The following LRRC8E variants were observed in gnomAD, a reference collection of about 807,000 sequenced individuals.
The protein encoded by LRRC8E is leucine rich repeat containing 8 VRAC subunit E.
A neutral mutation model predicts 6.1 loss-of-function variants in LRRC8E; 6 were observed. The observed-to-expected ratio is 0.98, with a 90% CI of 0.54 to 1.93. LRRC8E has a LOEUF of 1.93. LRRC8E is among the 30% of genes most tolerant of loss of function. The pLI, the probability that LRRC8E is intolerant of heterozygous loss-of-function variation, is 0.01. For synonymous variants in LRRC8E, 485 were observed against 472.8 expected (o/e 1.03, Z -0.33); for missense variants, 1,028 against 1,031.4 (o/e 1.00, Z 0.04).
In LRRC8E at chr19:7,895,544, AG is replaced by A; in HGVS notation, c.-5-54del. The A allele has an allele frequency of 1.3e-6, 2 of 1,584,918 alleles. No homozygotes were observed. Among genetic ancestry groups the A allele is most frequent in the South Asian group, 2.2e-5 (2 of 89,384 alleles). On this transcript the variant is annotated intron_variant, in intron 1 of 2. Coordinates refer to ENST00000306708, the MANE Select transcript of LRRC8E (RefSeq NM_025061.6). The surrounding 1 kb of genome is among the most constrained non-coding windows in gnomAD (Gnocchi z 4.7). ...CGGCTCCTCGGAGGACCCCCTGCAGAGCCTCCCATCCTGAGGGTCTCTCTCT... is the reference window on the plus strand; with the variant it reads ...CGGCTCCTCGGAGGACCCCCTGCAGACCTCCCATCCTGAGGGTCTCTCTCT...
rs1982014047 is a variant in LRRC8E, at chr19:7,901,491, T to C, written c.*578T>C. 6.6e-6 allele frequency: 1 copy of C among 151,410 alleles called. No individual in the cohort carries two copies. Among genetic ancestry groups the C allele is most frequent in the Non-Finnish European group, 1.5e-5 (1 of 67,952 alleles). 9.4% of individuals were successfully genotyped at this position (151,410 alleles called of 1,614,324 possible). A position where few individuals can be genotyped will look rare whatever the true frequency, so the allele number is the denominator to read the frequency against. ...TCCCCTGAAACACTGACTCAGGAGGTTTGGTTGGGGGCCAGGAGTCTGTTC... is the reference window on the plus strand; with the variant it reads ...TCCCCTGAAACACTGACTCAGGAGGCTTGGTTGGGGGCCAGGAGTCTGTTC... On this transcript the variant is annotated 3_prime_UTR_variant, in exon 3 of 3. Coordinates refer to ENST00000306708, the MANE Select transcript of LRRC8E (RefSeq NM_025061.6).
rs1981910735 is a variant in LRRC8E, at chr19:7,900,271, A to G, written c.1749A>G (p.Ala583=). ...TGAACAGCCTCAAGAAGCTGGCGGC[A>G]TTGCGGGAGCTGGAGCTGGTGGCCT... ...VALNSLKKLA[A]LRELELVACG... Residue 583 remains alanine (A), a synonymous_variant, in exon 3 of 3, where the codon GCA becomes GCG. Coordinates refer to ENST00000306708, the MANE Select transcript of LRRC8E (RefSeq NM_025061.6). The surrounding 1 kb of genome is among the most constrained non-coding windows in gnomAD (Gnocchi z 5.0). 2 of 1,613,268 alleles carry G rather than the reference A, an allele frequency of 1.2e-6. No individual in the cohort carries two copies. The highest frequency in any genetic ancestry group is 1.7e-6 in the Non-Finnish European group (2 of 1,180,032).
rs764885450 is a variant in LRRC8E at position 7,899,228 on chromosome 19, GAGA to G, written c.709_711del (p.Lys237del). On this transcript the variant is annotated inframe_deletion, in exon 3 of 3. Transcript: ENST00000306708. Reference sequence around the variant, plus strand: ...GGGTGAGCAAGCCAAAGCCCTGTTTGAGAAGGTGAAGAAGTTCCGCATGCACGT... The same window carrying G: ...GGGTGAGCAAGCCAAAGCCCTGTTTGAGGTGAAGAAGTTCCGCATGCACGT... The G allele has an allele frequency of 8.7e-6, 14 of 1,614,228 alleles. No homozygotes were observed. In the Admixed American group the frequency reaches 1.7e-4, roughly 19 times the overall value.
intron 1 of LRRC8E, among the ~76,000 whole-genome samples, chr19:7,894,956 C>A (rs1237687784): frequency 6.6e-6 from 1 of 152,280 alleles, no homozygotes; most frequent in Non-Finnish European, 1.5e-5. Flanking sequence ...CCTTTAGAAA[C>A]TCAGGTGTCC....
intron 2 of LRRC8E, among the ~76,000 whole-genome samples, chr19:7,896,244 CTTTT>C (rs935835512): frequency 2.1e-5 from 3 of 145,216 alleles, no homozygotes; most frequent in South Asian, 2.2e-4. Flanking sequence ...CTGACCCTTT[CTTTT>C]TTTTTCTTTT....
Position 7,901,901 on chromosome 19 carries a change from T to TG in LRRC8E, c.*991dup, listed in dbSNP as rs1982044396. On this transcript the variant is annotated 3_prime_UTR_variant, in exon 3 of 3. Coordinates refer to ENST00000306708, the MANE Select transcript of LRRC8E (RefSeq NM_025061.6). ...AGAGCTATTCAAGGACTTCCTAAGG[T>TG]GGGTGGACTGCAGGGTTAGGACACC... The TG allele has an allele frequency of 6.6e-6, 1 of 151,936 alleles. No homozygotes were observed. The highest frequency in any genetic ancestry group is 1.5e-5 in the Non-Finnish European group (1 of 67,968). The allele number at this position is 151,936 out of a possible 1,614,324, so 9.4% of individuals were successfully genotyped here. A position where few individuals can be genotyped will look rare whatever the true frequency, so the allele number is the denominator to read the frequency against.
At position 7,901,005 on chromosome 19, in the gene LRRC8E, T is replaced by G; in HGVS notation, c.*92T>G. 3.3e-5 allele frequency: 17 copies of G among 512,620 alleles called. No homozygotes were observed. The highest frequency in any genetic ancestry group is 4.2e-5 in the Admixed American group (1 of 24,034). 31.8% of individuals were successfully genotyped at this position (512,620 alleles called of 1,614,324 possible). A position where few individuals can be genotyped will look rare whatever the true frequency, so the allele number is the denominator to read the frequency against. ...CTTCCAAGATAGGAAGCCAAGTGGG[T>G]CCAGGCCAGGAGATGGGGGGGGCGG... is the stretch of plus-strand genomic sequence containing the variant. On this transcript the variant is annotated 3_prime_UTR_variant, in exon 3 of 3. Transcript: ENST00000306708.
Position 7,901,027 on chromosome 19 carries a change from G to C in LRRC8E, c.*114G>C. ...GGGTCCAGGCCAGGAGATGGGGGGGGCGGGGGCAGCTGTGTCATCTTTCTG... is the reference window on the plus strand; with the variant it reads ...GGGTCCAGGCCAGGAGATGGGGGGGCCGGGGGCAGCTGTGTCATCTTTCTG... On this transcript the variant is annotated 3_prime_UTR_variant, in exon 3 of 3. Transcript: ENST00000306708. 3 of 584,088 alleles carry C rather than the reference G, an allele frequency of 5.1e-6. No homozygotes were observed. The highest frequency in any genetic ancestry group is 3.1e-5 in the East Asian group (1 of 31,934). The allele number at this position is 584,088 out of a possible 1,614,324, so 36.2% of individuals were successfully genotyped here.
At position 7,894,231 on chromosome 19, in the gene LRRC8E, G is replaced by A. The variant is rs1283524702; in HGVS notation, c.-5-1368G>A. On this transcript the variant is annotated intron_variant, in intron 1 of 2. Coordinates refer to ENST00000306708, the MANE Select transcript of LRRC8E (RefSeq NM_025061.6). ...CCGTTACAGATTATCTTTGTCTTTT[G>A]TTTTGTTTGTTTGAGATGGAGTCTC... is the stretch of plus-strand genomic sequence containing the variant. Among the ~76,000 whole-genome samples, 7 of 152,060 alleles carry A rather than the reference G, an allele frequency of 4.6e-5. No individual in the cohort carries two copies. In the South Asian group the frequency reaches 6.2e-4, roughly 14 times the overall value.
intron 2 of LRRC8E, among the ~76,000 whole-genome samples, chr19:7,897,814 C>T (rs958331908): frequency 1.1e-4 from 16 of 152,110 alleles, no homozygotes; most frequent in East Asian, 9.7e-4. Context: ...AAACAGGAGC[C>T]GCCTGACCCA....
At position 7,895,972 on chromosome 19, in the gene LRRC8E, C is replaced by G. The variant is rs1000496015; in HGVS notation, c.138+231C>G. On this transcript the variant is annotated intron_variant, in intron 2 of 2. Coordinates refer to ENST00000306708, the MANE Select transcript of LRRC8E (RefSeq NM_025061.6). The surrounding 1 kb of genome is among the most constrained non-coding windows in gnomAD (Gnocchi z 4.7). ...TTCTTTTTTGAGACGGAGTCTCACT[C>G]TGTCACCCAGGCTAGAGTACAGTGG... Among the ~76,000 whole-genome samples, 3 of 152,142 alleles carry G rather than the reference C, an allele frequency of 2.0e-5. No homozygotes were observed. The highest frequency in any genetic ancestry group is 7.2e-5 in the African/African-American group (3 of 41,434).
At position 7,900,162 on chromosome 19, in the gene LRRC8E, G is replaced by A; in HGVS notation, c.1640G>A (p.Gly547Glu). 6.2e-7 allele frequency: 1 copy of A among 1,613,052 alleles called. No homozygotes were observed. Among genetic ancestry groups the A allele is most frequent in the Non-Finnish European group, 8.5e-7 (1 of 1,179,980 alleles). The stretch of plus-strand genomic sequence containing the variant: ...GTGTTGTCCCTCCGGAGCAACGCCG[G>A]GAAGGTGCCAGCCAGTGTGACCGAC... The part of the protein sequence containing the change: ...LKVLSLRSNA[G>E]KVPASVTDVA... The change falls in exon 3 of 3, where the codon GGG (glycine) becomes GAG (glutamate). Residue 547 changes from glycine to glutamate, a missense_variant. Physicochemically the swap from Gly to Glu is moderately conservative, Grantham distance 98 (BLOSUM62 -2). Coordinates refer to ENST00000306708, the MANE Select transcript of LRRC8E (RefSeq NM_025061.6). This position sits in a 1 kb window ranked among gnomAD's most constrained non-coding sequence, Gnocchi z 5.0.
Position 7,899,267 on chromosome 19 carries a change from G to T in LRRC8E, c.745G>T (p.Asp249Tyr), listed in dbSNP as rs967623599. Residue 249 changes from aspartate to tyrosine, a missense_variant, in exon 3 of 3, where the codon GAC becomes TAC. Asp to Tyr is a radical substitution (Grantham distance 160). Transcript: ENST00000306708. ...KKFRMHVEEG[D>Y]ILYTMYIRQT... ...GTTCCGCATGCACGTGGAAGAGGGC[G>T]ACATCCTGTACACCATGTACATCCG... The T allele has an allele frequency of 3.7e-6, 6 of 1,614,106 alleles. No homozygotes were observed. In the African/African-American group the frequency reaches 8.0e-5, roughly 22 times the overall value.
chr19:7,894,695 C>G (rs2145100844), intron 1 of LRRC8E, among the ~76,000 whole-genome samples: 1 of 152,308 alleles, frequency 6.6e-6, no homozygotes, highest in South Asian at 2.1e-4. Context: ...GCTCATGCCC[C>G]ACGCCCCAGT....
Position 7,899,289 on chromosome 19 carries a change from T to C in LRRC8E, c.767T>C (p.Ile256Thr). Reference sequence around the variant, plus strand: ...GGCGACATCCTGTACACCATGTACATCCGACAGACGGTGCTGAAAGTGTGT... The same window carrying C: ...GGCGACATCCTGTACACCATGTACACCCGACAGACGGTGCTGAAAGTGTGT... ...EEGDILYTMY[I>T]RQTVLKVCKF... Residue 256 changes from isoleucine (I) to threonine (T), a missense_variant, in exon 3 of 3, where the codon ATC (isoleucine) becomes ACC (threonine). By Grantham distance (89) the Ile-to-Thr change is moderately conservative. Coordinates refer to ENST00000306708, the MANE Select transcript of LRRC8E (RefSeq NM_025061.6). The C allele has an allele frequency of 5.6e-6, 9 of 1,614,214 alleles. No homozygotes were observed. The highest frequency in any genetic ancestry group is 7.6e-6 in the Non-Finnish European group (9 of 1,180,042).
chr19:7,894,320 G>C (rs183326919), intron 1 of LRRC8E, among the ~76,000 whole-genome samples: 1 of 152,134 alleles, frequency 6.6e-6, no homozygotes, highest in African/African-American at 2.4e-5. Flanking sequence ...CTGCCTCCCC[G>C]GATCAAGACC....
At chr19:7,896,942 T>A (rs775259862) in intron 2 of LRRC8E, among the ~76,000 whole-genome samples, 5 of 152,178 alleles carry the variant, frequency 3.3e-5, no homozygotes, top group African/African-American at 4.8e-5. Context: ...TGGAAAGGAC[T>A]GCAGTTGCTA....
chr19:7,890,682 G>C (rs552477429), intron 1 of LRRC8E, among the ~76,000 whole-genome samples: 1 of 151,870 alleles, frequency 6.6e-6, no homozygotes, highest in Non-Finnish European at 1.5e-5. Flanking sequence ...CCAGCTACTC[G>C]GGAGGCTGAA....
chr19:7,890,936 ATCTGCCTACCT>A (rs1981274564), intron 1 of LRRC8E, among the ~76,000 whole-genome samples: 1 of 152,150 alleles, frequency 6.6e-6, no homozygotes, highest in Non-Finnish European at 1.5e-5. Context: ...ACCTCAAATG[ATCTGCCTACCT>A]TGGCCTCCCA....
Sources: gnomAD v4.1 joint callset for allele counts (sites outside exome capture counted in the v4.1 genomes callset) on GRCh38, gnomAD v4.1.1 for gene constraint, Gnocchi (gnomAD v3.1) non-coding constraint, MANE v1.5 for transcripts, NCBI Gene and HGNC (gene_info 2026-07-23, HGNC 2026-07-21) for gene names.